Variants in ATP2B2 observed in about 807,000 individuals in gnomAD.
ATP2B2 encodes the protein ATPase plasma membrane Ca2+ transporting 2.
ATP2B2 carries 15 observed loss-of-function variants against 120.0 expected under a neutral mutation model. The observed-to-expected ratio is 0.12, with a 90% CI of 0.08 to 0.19. ATP2B2 has a LOEUF of 0.19. ATP2B2 is among the 10% of genes least tolerant of loss of function. The pLI is 1.00. For synonymous variants in ATP2B2, 694 were observed against 700.3 expected, an observed-to-expected ratio of 0.99 and a Z score of 0.14; for missense variants, 1,045 against 1,719.8, an observed-to-expected ratio of 0.61 and a Z score of 6.94.
chr3:10,326,761 A>G lies in ATP2B2; in HGVS notation c.*2053T>C. On this transcript the variant is annotated 3_prime_UTR_variant, in exon 23 of 23. Transcript: ENST00000360273. ...TCTTGAAGGTCCTCCTTCCAGGAGG[A>G]TTTTGCCAGGTGGGATGGGCTGACT... is the stretch of plus-strand genomic sequence containing the variant. 1 of 398,776 alleles carries G rather than the reference A, an allele frequency of 2.5e-6. No homozygotes were observed. The highest frequency in any genetic ancestry group is 4.4e-6 in the Non-Finnish European group (1 of 226,032). 24.7% of individuals were successfully genotyped at this position (398,776 alleles called of 1,614,324 possible).
intron 3 of ATP2B2, among the ~76,000 whole-genome samples, chr3:10,533,197 G>A (rs1293023515): frequency 6.6e-6 from 1 of 152,158 alleles, no homozygotes; most frequent in African/African-American, 2.4e-5. Context: ...AGGAAGACAT[G>A]GTTGATTTCA....
rs997630164 is a variant in ATP2B2, at chr3:10,326,914, G to T, written c.*1900C>A. The T allele has an allele frequency of 7.5e-6, 3 of 398,806 alleles. No homozygotes were observed. In the East Asian group the frequency reaches 1.1e-4, roughly 14 times the overall value. 24.7% of individuals were successfully genotyped at this position (398,806 alleles called of 1,614,324 possible). A position where few individuals can be genotyped will look rare whatever the true frequency, so the allele number is the denominator to read the frequency against. ...AGTTCTCTGGGCCTGGAGAAGGGAA[G>T]GGGCTGGGCTGACACAGCCATCGTG... On this transcript the variant is annotated 3_prime_UTR_variant, in exon 23 of 23. Coordinates refer to ENST00000360273, the MANE Select transcript of ATP2B2 (RefSeq NM_001001331.4).
chr3:10,433,826 G>T (rs1223128824), intron 2 of ATP2B2, among the ~76,000 whole-genome samples: 1 of 152,108 alleles, frequency 6.6e-6, no homozygotes, highest in East Asian at 1.9e-4. Context: ...CCCACCTAAA[G>T]CTGCCCCTCC....
At chr3:10,586,164 C>T (rs2068506184) in intron 2 of ATP2B2, among the ~76,000 whole-genome samples, 1 of 152,124 alleles carries the variant, frequency 6.6e-6, no homozygotes, top group Admixed American at 6.5e-5. Context: ...ATCATTTTTA[C>T]CCAGTTATGT....
intron 1 of ATP2B2, among the ~76,000 whole-genome samples, chr3:10,479,215 C>A (rs980508897): frequency 1.4e-4 from 21 of 152,098 alleles, no homozygotes; most frequent in Non-Finnish European, 2.6e-4. Flanking sequence ...ATCCTCCTGC[C>A]CACTTTGCTT....
At chr3:10,593,673 A>T (rs1376662087) in intron 2 of ATP2B2, among the ~76,000 whole-genome samples, 1 of 152,220 alleles carries the variant, frequency 6.6e-6, no homozygotes, top group Non-Finnish European at 1.5e-5. Flanking sequence ...TCATGTCTAA[A>T]ACTCCAAAAG....
At chr3:10,587,343 T>TAC (rs1307145525) in intron 2 of ATP2B2, among the ~76,000 whole-genome samples, 1 of 151,636 alleles carries the variant, frequency 6.6e-6, no homozygotes, top group African/African-American at 2.4e-5. Context: ...TATGTATATA[T>TAC]ATAAAGAGAC....
At chr3:10,418,682 C>G (rs2062871341) in intron 2 of ATP2B2, among the ~76,000 whole-genome samples, 1 of 152,246 alleles carries the variant, frequency 6.6e-6, no homozygotes, top group African/African-American at 2.4e-5. Context: ...TAACTGCCCT[C>G]TGAGGCTGGC....
At chr3:10,549,438 G>A (rs372544175) in intron 2 of ATP2B2, among the ~76,000 whole-genome samples, 1 of 151,978 alleles carries the variant, frequency 6.6e-6, no homozygotes, top group Non-Finnish European at 1.5e-5. Flanking sequence ...TACCACACAG[G>A]TTCCTGGGAG....
chr3:10,334,647 G>C (rs1424663729), intron 22 of ATP2B2, among the ~76,000 whole-genome samples: 1 of 152,190 alleles, frequency 6.6e-6, no homozygotes. Context: ...CTGCGTTTCT[G>C]TGCTGACGAA....
In ATP2B2 at chr3:10,338,892, A is replaced by G. The variant is rs149916585; in HGVS notation, c.3238-534T>C. 801 of 165,792 alleles carry G rather than the reference A, an allele frequency of 4.8e-3. 7 individuals are homozygous for G. The highest frequency in any genetic ancestry group is 0.018 in the African/African-American group (748 of 41,574). The allele number at this position is 165,792 out of a possible 1,614,324, so 10.3% of individuals were successfully genotyped here. On this transcript the variant is annotated intron_variant, in intron 21 of 22. Coordinates refer to ENST00000360273, the MANE Select transcript of ATP2B2 (RefSeq NM_001001331.4). ...CCCTTATTCCTCCTGAGGTCACTGG[A>G]CCCTGAAGGCAGCCAATCCTGGACT...
At chr3:10,360,656 C>A (rs1485264266) in intron 12 of ATP2B2, among the ~76,000 whole-genome samples, 2 of 152,194 alleles carry the variant, frequency 1.3e-5, no homozygotes, top group Non-Finnish European at 2.9e-5. Flanking sequence ...ATGCCGTATA[C>A]CCTTCATCCA....
chr3:10,388,265 G>T lies in ATP2B2; in HGVS notation c.907+12C>A. ...GAGCTCCTCTCCTGGTCTGCAAGGG[G>T]ATTAGGCTTACCTTTTTTGTCTTTC... On this transcript the variant is annotated intron_variant, in intron 6 of 22. Coordinates refer to ENST00000360273, the MANE Select transcript of ATP2B2 (RefSeq NM_001001331.4). 6.2e-7 allele frequency: 1 copy of T among 1,614,088 alleles called. No individual in the cohort carries two copies. The highest frequency in any genetic ancestry group is 8.5e-7 in the Non-Finnish European group (1 of 1,180,002).
intron 1 of ATP2B2, among the ~76,000 whole-genome samples, chr3:10,701,023 AT>A (rs1388909014): frequency 6.6e-6 from 1 of 152,252 alleles, no homozygotes; most frequent in Non-Finnish European, 1.5e-5. Flanking sequence ...TCAATTTATC[AT>A]GTGGCTAGAG....
chr3:10,620,512 G>C (rs577042286), intron 1 of ATP2B2, among the ~76,000 whole-genome samples: 1 of 152,168 alleles, frequency 6.6e-6, no homozygotes, highest in Non-Finnish European at 1.5e-5. Flanking sequence ...GCAGGAGTAG[G>C]GAAACCTGGA....
intron 1 of ATP2B2, among the ~76,000 whole-genome samples, chr3:10,700,579 G>GT (rs2071802439): frequency 6.6e-6 from 1 of 152,248 alleles, no homozygotes; most frequent in South Asian, 2.1e-4. Flanking sequence ...TTTTGTGTTC[G>GT]TAATACCTCA....
At chr3:10,638,464 A>G (rs2070083227) in intron 1 of ATP2B2, among the ~76,000 whole-genome samples, 1 of 152,194 alleles carries the variant, frequency 6.6e-6, no homozygotes, top group Admixed American at 6.5e-5. Flanking sequence ...CTAAAATAAC[A>G]AAATACAGAA....
intron 1 of ATP2B2, among the ~76,000 whole-genome samples, chr3:10,621,608 T>C (rs2069550023): frequency 2.6e-5 from 4 of 152,216 alleles, no homozygotes; most frequent in Admixed American, 2.6e-4. Context: ...CTGGGATCCA[T>C]GAGGCTGCGG....
At position 10,328,959 on chromosome 3, in the gene ATP2B2, A is replaced by C; in HGVS notation, c.3587T>G (p.Leu1196Arg). Reference sequence around the variant, plus strand: ...TGACGGCGGGCTCGAGTTCTGCTTGAGCGCGGCATCTTCTTCCAGGTCGGT... The same window carrying C: ...TGACGGCGGGCTCGAGTTCTGCTTGCGCGCGGCATCTTCTTCCAGGTCGGT... The part of the protein sequence containing the change: ...DDTDLEEDAA[L>R]KQNSSPPSSL... The change falls in exon 23 of 23, where the codon CTC becomes CGC. Residue 1196 changes from leucine to arginine, a missense_variant. Physicochemically the swap from Leu to Arg is moderately radical, Grantham distance 102. Coordinates refer to ENST00000360273, the MANE Select transcript of ATP2B2 (RefSeq NM_001001331.4). 1 of 1,613,336 alleles carries C rather than the reference A, an allele frequency of 6.2e-7. No individual in the cohort carries two copies. The highest frequency in any genetic ancestry group is 8.5e-7 in the Non-Finnish European group (1 of 1,179,908).
Sources: gnomAD v4.1 joint callset for allele counts (sites outside exome capture counted in the v4.1 genomes callset) on GRCh38, gnomAD v4.1.1 for gene constraint, MANE v1.5 for transcripts, NCBI Gene and HGNC (gene_info 2026-07-23, HGNC 2026-07-21) for gene names.